Variants in FANCI observed in about 807,000 individuals in gnomAD.
The protein encoded by FANCI is Fanconi anemia group I protein.
A neutral mutation model predicts 176.1 loss-of-function variants in FANCI; 156 were observed. The ratio of observed to expected loss-of-function variants is 0.89; its 90% CI spans 0.78 to 1.01. The LOEUF is 1.01. Among genes scored for constraint, FANCI ranks in the 50% least tolerant of loss-of-function variants. FANCI has a pLI of 0.00. For missense variants in FANCI, 1,678 were observed against 1,534.1 expected, an observed-to-expected ratio of 1.09 and a Z score of -1.57; for synonymous variants, 613 against 541.7, an observed-to-expected ratio of 1.13 and a Z score of -1.83.
At chr15:89,307,387 A>G in intron 32 of FANCI, 89 bp from the exon 33 acceptor site, 1 of 1,291,558 alleles carries the variant, frequency 7.7e-7, no homozygotes, top group Non-Finnish European at 1.1e-6. Context: ...TTCAGTCAGA[A>G]TGATGAGTCA....
In FANCI at chr15:89,299,167, C is replaced by G. The variant is rs368833597; in HGVS notation, c.2637-633C>G. Among the ~76,000 whole-genome samples, 44 of 121,400 alleles carry G rather than the reference C, an allele frequency of 3.6e-4. No individual in the cohort carries two copies. In the South Asian group the frequency reaches 0.012, roughly 32 times the overall value. 79.6% of individuals were successfully genotyped at this position (121,400 alleles called of 152,430 possible). On this transcript the variant is annotated intron_variant, in intron 24 of 37. Coordinates refer to ENST00000310775, the MANE Select transcript of FANCI (RefSeq NM_001113378.2). ...CCTGGGTGACAGAGTGAGACTCTGT[C>G]TCAAAAAAAAAAAAAAAACCTGAGT...
chr15:89,306,695 A>C (rs1225678993), intron 32 of FANCI, among the ~76,000 whole-genome samples: 1 of 152,028 alleles, frequency 6.6e-6, no homozygotes, highest in Non-Finnish European at 1.5e-5. Flanking sequence ...CCATCTCAAA[A>C]ATTAAAAAAA....
In FANCI at chr15:89,317,086, T is replaced by G; in HGVS notation, c.*627T>G. On this transcript the variant is annotated 3_prime_UTR_variant, in exon 38 of 38. Transcript: ENST00000310775. ...GCACAGTTTGTTTTTCTGTCACCTA[T>G]AGAGTGCAAGAATGCACTCTATAGA... 1.7e-6 allele frequency: 1 copy of G among 591,512 alleles called. No individual in the cohort carries two copies. Among genetic ancestry groups the G allele is most frequent in the Non-Finnish European group, 3.0e-6 (1 of 334,850 alleles). 36.6% of individuals were successfully genotyped at this position (591,512 alleles called of 1,614,324 possible).
chr15:89,314,427 A>G (rs2055116602), intron 35 of FANCI, among the ~76,000 whole-genome samples, 185 bp from the exon 36 acceptor site: 1 of 152,254 alleles, frequency 6.6e-6, no homozygotes, highest in Non-Finnish European at 1.5e-5. Flanking sequence ...AATTATCTCT[A>G]CTGGCATTTG....
At position 89,296,061 on chromosome 15, in the gene FANCI, C is replaced by T. The variant is rs537241451; in HGVS notation, c.2636+967C>T. Among the ~76,000 whole-genome samples, 19 of 152,186 alleles carry T rather than the reference C, an allele frequency of 1.2e-4. No homozygotes were observed. The South Asian group carries it at 2.7e-3, about 22-fold the overall frequency. ...TGGCTTACTGCAACCTCGGCCTCCC[C>T]GGTTCAAGTGATCCTCCTGCCTCAG... On this transcript the variant is annotated intron_variant, in intron 24 of 37. Coordinates refer to ENST00000310775, the MANE Select transcript of FANCI (RefSeq NM_001113378.2).
chr15:89,315,841 T>C (rs2055219782), intron 37 of FANCI, among the ~76,000 whole-genome samples: 1 of 152,214 alleles, frequency 6.6e-6, no homozygotes, highest in African/African-American at 2.4e-5. Context: ...TCTTAGCAAG[T>C]GACAGTACCG....
intron 20 of FANCI, 74 bp downstream of exon 20, chr15:89,291,788 T>C: frequency 8.6e-7 from 1 of 1,165,248 alleles, no homozygotes; most frequent in South Asian, 1.2e-5. Context: ...AAGAGATACC[T>C]TTCCCTGTGA....
chr15:89,300,727 C>T (rs189747865), intron 26 of FANCI, among the ~76,000 whole-genome samples: 5 of 152,322 alleles, frequency 3.3e-5, no homozygotes, highest in Admixed American at 1.3e-4. Context: ...ACAACGTAAA[C>T]ACTGGACAAT....
At chr15:89,304,402 G>T (rs2054635129) in intron 28 of FANCI, among the ~76,000 whole-genome samples, 1 of 152,182 alleles carries the variant, frequency 6.6e-6, no homozygotes, top group Non-Finnish European at 1.5e-5. Context: ...AAAGAAGCCA[G>T]ACACAAGAAA....
intron 15 of FANCI, among the ~76,000 whole-genome samples, 161 bp downstream of exon 15, chr15:89,281,461 C>CT (rs1456400568): frequency 6.6e-6 from 1 of 152,192 alleles, no homozygotes; most frequent in Non-Finnish European, 1.5e-5. Context: ...TTGAGCAAGA[C>CT]TGTTTTCCAG....
In FANCI at chr15:89,291,662, T is replaced by A; in HGVS notation, c.1940T>A (p.Leu647Ter). The change falls in exon 20 of 38, where the codon TTA becomes TAA. Residue 647 changes from leucine to a stop codon, truncating the protein, a stop_gained. Transcript: ENST00000310775. LOFTEE classifies it high-confidence loss of function. The part of the protein sequence containing the change: ...PKPDLLPPLK[L>*]EACILTQGDK... ...CCTGATCTGCTGCCTCCTCTGAAAT[T>A]AGAAGCTTGTATTCTGACCCAAGGA... 6.2e-7 allele frequency: 1 copy of A among 1,613,884 alleles called. No individual in the cohort carries two copies. The highest frequency in any genetic ancestry group is 1.1e-5 in the South Asian group (1 of 91,088).
At chr15:89,308,379 C>T (rs1012131721) in intron 34 of FANCI, among the ~76,000 whole-genome samples, 5 of 152,146 alleles carry the variant, frequency 3.3e-5, no homozygotes, top group African/African-American at 1.2e-4. Context: ...GAGGAAGAAA[C>T]GAGAGATCTA....
intron 2 of FANCI, among the ~76,000 whole-genome samples, chr15:89,257,980 T>G (rs1319570625): frequency 1.3e-5 from 2 of 152,252 alleles, no homozygotes; most frequent in East Asian, 1.9e-4. Context: ...TACCATGGCC[T>G]GTAAGATTCT....
intron 1 of FANCI, 177 bp from the exon 2 acceptor site, chr15:89,247,452 T>C (rs2052038767): frequency 1.6e-6 from 1 of 606,064 alleles, no homozygotes; most frequent in Non-Finnish European, 2.9e-6. Context: ...AAGAATCATC[T>C]TGCCACTGAG....
At chr15:89,267,331 A>ATT in intron 9 of FANCI, among the ~76,000 whole-genome samples, 1 of 145,216 alleles carries the variant, frequency 6.9e-6, no homozygotes, top group South Asian at 2.1e-4. Flanking sequence ...AAAAAAAAAA[A>ATT]ATTTTTTTTT....
Position 89,295,005 on chromosome 15 carries a change from A to G in FANCI, c.2547A>G (p.Lys849=), listed in dbSNP as rs7183618. The part of the protein sequence containing the change: ...MRYAVNVALQ[K]VQQLKETGHV... ...ATGCAGTGAATGTAGCTCTGCAGAA[A>G]GTACAGCAGCTAAAGGAAACAGGGC... Residue 849 remains lysine (K), a synonymous_variant, in exon 24 of 38, where the codon AAA becomes AAG. Coordinates refer to ENST00000310775, the MANE Select transcript of FANCI (RefSeq NM_001113378.2). 77,084 of 1,552,292 alleles carry G rather than the reference A, an allele frequency of 0.05. 2,369 individuals are homozygous for G. The highest frequency in any genetic ancestry group is 0.055 in the Non-Finnish European group (62,528 of 1,147,122).
intron 2 of FANCI, among the ~76,000 whole-genome samples, chr15:89,255,712 TG>T (rs2052463928): frequency 6.6e-6 from 1 of 152,250 alleles, no homozygotes; most frequent in South Asian, 2.1e-4. Context: ...AGTTACAGTC[TG>T]CCAATTAATT....
chr15:89,307,724 C>A (rs1318536714), intron 34 of FANCI, 52 bp downstream of exon 34: 2 of 1,613,928 alleles, frequency 1.2e-6, no homozygotes, highest in Non-Finnish European at 1.7e-6. Flanking sequence ...GGATTTCTTA[C>A]ATGCCCAGGG....
chr15:89,259,000 C>A (rs1596237058), intron 3 of FANCI: 1 of 515,524 alleles, frequency 1.9e-6, no homozygotes, highest in Non-Finnish European at 3.5e-6. Flanking sequence ...GATTTGGGGG[C>A]CTATAATTAC....
Sources: gnomAD v4.1 joint callset for allele counts (sites outside exome capture counted in the v4.1 genomes callset) on GRCh38, gnomAD v4.1.1 for gene constraint, MANE v1.5 for transcripts, NCBI Gene and HGNC (gene_info 2026-07-23, HGNC 2026-07-21) for gene names.